GABRB3: variants seen among roughly 807,000 people sequenced by gnomAD.
The protein encoded by GABRB3 is gamma-aminobutyric acid type A receptor subunit beta3.
In GABRB3, 14 loss-of-function variants were observed where a neutral mutation model predicts 52.1. The observed-to-expected ratio is 0.27, with a 90% CI of 0.18 to 0.42. The LOEUF (loss-of-function observed/expected upper bound fraction) is 0.42, where lower values mean the gene tolerates loss of function less well. GABRB3 is among the 10% of genes least tolerant of loss of function. The probability of loss-of-function intolerance (pLI) is 1.00; values close to 1 mark genes in which losing one functional copy is unlikely to be tolerated. For missense variants in GABRB3, 307 were observed against 609.1 expected (o/e 0.50, Z 5.22); for synonymous variants, 260 against 232.3 (o/e 1.12, Z -1.08).
At chr15:26,731,025 C>T (rs142513357) in intron 3 of GABRB3, among the ~76,000 whole-genome samples, 1 of 151,896 alleles carries the variant, frequency 6.6e-6, no homozygotes, top group African/African-American at 2.4e-5. Flanking sequence ...GTCTTATTTT[C>T]AGCAACACCA....
At chr15:26,715,388 T>C (rs1889434963) in intron 3 of GABRB3, among the ~76,000 whole-genome samples, 1 of 152,100 alleles carries the variant, frequency 6.6e-6, no homozygotes, top group African/African-American at 2.4e-5. Flanking sequence ...GCAACAGATA[T>C]GATGGTGACA....
At chr15:26,606,773 G>GATAGATAGATATATCT (rs1341448505) in intron 4 of GABRB3, among the ~76,000 whole-genome samples, 5 of 53,088 alleles carry the variant, frequency 9.4e-5, no homozygotes, top group African/African-American at 2.6e-4. Context: ...TCTATCTATA[G>GATAGATAGATATATCT]ATAGATAGAT....
chr15:26,558,734 C>T (rs1472308901), intron 8 of GABRB3, among the ~76,000 whole-genome samples: 1 of 151,992 alleles, frequency 6.6e-6, no homozygotes, highest in African/African-American at 2.4e-5. Context: ...AAAACCCTGT[C>T]TCTACTAAAA....
intron 4 of GABRB3, among the ~76,000 whole-genome samples, chr15:26,585,098 T>C (rs1890932141): frequency 6.6e-6 from 1 of 152,176 alleles, no homozygotes; most frequent in African/African-American, 2.4e-5. Flanking sequence ...GCAGTCGTAG[T>C]TGTGCCCCAG....
chr15:26,616,531 T>A (rs565318982), intron 4 of GABRB3, among the ~76,000 whole-genome samples: 4 of 151,978 alleles, frequency 2.6e-5, no homozygotes, highest in African/African-American at 4.8e-5. Context: ...CAGGTCCATA[T>A]AACTCTGAAG....
chr15:26,765,129 CAAAAAAAA>C (rs3917083), intron 3 of GABRB3, among the ~76,000 whole-genome samples: 2 of 111,064 alleles, frequency 1.8e-5, no homozygotes, highest in African/African-American at 3.6e-5. Context: ...GACTCCGACT[CAAAAAAAA>C]AAAAAAAAGT....
chr15:26,716,558 C>T, intron 3 of GABRB3: 1 of 990,358 alleles, frequency 1.0e-6, no homozygotes, highest in South Asian at 4.5e-5. Flanking sequence ...CATAAACCGT[C>T]TTCACCAACT....
At chr15:26,639,144 C>T (rs1893132019) in intron 3 of GABRB3, among the ~76,000 whole-genome samples, 3 of 152,136 alleles carry the variant, frequency 2.0e-5, no homozygotes, top group African/African-American at 7.2e-5. Context: ...ATGGCCTCAG[C>T]ATGAGGACCT....
chr15:26,596,185 A>T (rs1891389250), intron 4 of GABRB3, among the ~76,000 whole-genome samples: 1 of 152,108 alleles, frequency 6.6e-6, no homozygotes, highest in Non-Finnish European at 1.5e-5. Context: ...ACAAAGATAG[A>T]TAGGAATTTA....
At chr15:26,730,307 A>G (rs1316553178) in intron 3 of GABRB3, among the ~76,000 whole-genome samples, 1 of 150,878 alleles carries the variant, frequency 6.6e-6, no homozygotes, top group African/African-American at 2.4e-5. Context: ...AGTCCCAGCT[A>G]CTCGGGAGGC....
At chr15:26,718,295 G>A (rs1280131239) in intron 3 of GABRB3, among the ~76,000 whole-genome samples, 4 of 151,924 alleles carry the variant, frequency 2.6e-5, no homozygotes, top group Non-Finnish European at 5.9e-5. Context: ...CGCAACCTCC[G>A]CCTCCCAGGT....
At chr15:26,699,910 T>A (rs577409223) in intron 3 of GABRB3, among the ~76,000 whole-genome samples, 1 of 151,486 alleles carries the variant, frequency 6.6e-6, no homozygotes, top group South Asian at 2.1e-4. Flanking sequence ...AAGTTTCAAA[T>A]CAATATCCTT....
intron 3 of GABRB3, chr15:26,625,065 T>C: frequency 1.9e-6 from 1 of 526,552 alleles, no homozygotes; most frequent in Non-Finnish European, 2.4e-6. Context: ...TCGCTCCTCA[T>C]CCACTCCCTC....
At chr15:26,552,860 A>G (rs919829965) in intron 8 of GABRB3, among the ~76,000 whole-genome samples, 4 of 152,112 alleles carry the variant, frequency 2.6e-5, no homozygotes, top group Non-Finnish European at 5.9e-5. Flanking sequence ...GGGTTCAACC[A>G]ATGTGTTCCT....
At chr15:26,720,229 C>T (rs1889607885) in intron 3 of GABRB3, among the ~76,000 whole-genome samples, 1 of 152,048 alleles carries the variant, frequency 6.6e-6, no homozygotes, top group South Asian at 2.1e-4. Flanking sequence ...ACCCCATCTC[C>T]CTTCACTGAC....
chr15:26,723,311 G>C (rs1486080220), intron 3 of GABRB3, among the ~76,000 whole-genome samples: 1 of 152,152 alleles, frequency 6.6e-6, no homozygotes, highest in East Asian at 1.9e-4. Flanking sequence ...TGAGTCTTTT[G>C]AATGTTGTAT....
chr15:26,767,885 T>G (rs989349441), intron 3 of GABRB3, among the ~76,000 whole-genome samples: 3 of 152,164 alleles, frequency 2.0e-5, no homozygotes, highest in Admixed American at 2.0e-4. Flanking sequence ...CATAAAATAA[T>G]AGTGCAAATG....
At chr15:26,569,690 A>G (rs910354772) in intron 6 of GABRB3, among the ~76,000 whole-genome samples, 5 of 152,254 alleles carry the variant, frequency 3.3e-5, no homozygotes, top group African/African-American at 9.6e-5. Context: ...CTTTTGATAA[A>G]TATTGTCAAA....
At chr15:26,714,381 C>T (rs1037347299) in intron 3 of GABRB3, among the ~76,000 whole-genome samples, 3 of 152,188 alleles carry the variant, frequency 2.0e-5, no homozygotes, top group Non-Finnish European at 4.4e-5. Context: ...GTGACACAGC[C>T]TCAGGAGGTC....
Sources: allele counts gnomAD v4.1 joint callset (sites outside exome capture counted in the v4.1 genomes callset), GRCh38; gene constraint gnomAD v4.1.1; transcripts MANE v1.5; gene names NCBI Gene and HGNC (gene_info 2026-07-23, HGNC 2026-07-21).